Variants in PTK2B observed in about 807,000 individuals in gnomAD.
PTK2B encodes the protein protein tyrosine kinase 2 beta, also known as protein-tyrosine kinase 2-beta.
A neutral mutation model predicts 142.9 loss-of-function variants in PTK2B; 71 were observed. That is an observed-to-expected ratio of 0.50 (90% CI 0.41 to 0.61). PTK2B has a LOEUF of 0.61. Ranked by LOEUF, PTK2B falls within the 20% of genes least tolerant of loss-of-function variation. The probability of loss-of-function intolerance (pLI) is 0.00; values close to 1 mark genes in which losing one functional copy is unlikely to be tolerated. For synonymous variants in PTK2B, 519 were observed against 503.4 expected (o/e 1.03, Z -0.42); for missense variants, 1,105 against 1,320.4 (o/e 0.84, Z 2.53).
chr8:27,324,786 C>T (rs1359961617), upstream of PTK2B, among the ~76,000 whole-genome samples: 2 of 152,154 alleles, frequency 1.3e-5, no homozygotes. Context: ...TCACTTTATG[C>T]CAAGTCCAGG....
At chr8:27,407,641 G>T (rs1289204942) in intron 2 of PTK2B, among the ~76,000 whole-genome samples, 1 of 152,168 alleles carries the variant, frequency 6.6e-6, no homozygotes, top group Admixed American at 6.5e-5. Flanking sequence ...CGGGAGGTGG[G>T]TCTCCCCAGG....
chr8:27,365,835 C>T (rs1200217149), intron 1 of PTK2B, among the ~76,000 whole-genome samples: 1 of 152,220 alleles, frequency 6.6e-6, no homozygotes, highest in Non-Finnish European at 1.5e-5. Context: ...TCCAGCCAGA[C>T]ATTGCTGGTA....
At chr8:27,415,636 A>G (rs1476791726) in intron 2 of PTK2B, among the ~76,000 whole-genome samples, 1 of 152,238 alleles carries the variant, frequency 6.6e-6, no homozygotes, top group Non-Finnish European at 1.5e-5. Flanking sequence ...CCAGTCTGGA[A>G]TGGGCTCCAG....
intron 13 of PTK2B, among the ~76,000 whole-genome samples, chr8:27,435,368 C>G (rs1417851178): frequency 5.9e-5 from 9 of 152,230 alleles, no homozygotes. Flanking sequence ...GGAATTAGGG[C>G]TTCAACAAAG....
At chr8:27,372,000 A>G (rs1806390276) in intron 1 of PTK2B, among the ~76,000 whole-genome samples, 1 of 152,240 alleles carries the variant, frequency 6.6e-6, no homozygotes, top group Non-Finnish European at 1.5e-5. Context: ...ATGTTCTGCA[A>G]GGGGAACAGG....
chr8:27,406,607 G>A (rs1586254001), intron 2 of PTK2B, among the ~76,000 whole-genome samples: 11 of 152,178 alleles, frequency 7.2e-5, no homozygotes, highest in Admixed American at 6.5e-4. Flanking sequence ...AGCGGGAAAT[G>A]TGTAGGGGCC....
At chr8:27,453,092 C>A (rs747646497) in intron 27 of PTK2B, 22 bp from the exon 28 acceptor site, 1 of 1,613,668 alleles carries the variant, frequency 6.2e-7, no homozygotes, top group South Asian at 1.1e-5. Context: ...CTGCCCCCCA[C>A]TTGCTGTTCT....
chr8:27,430,945 G>A lies in PTK2B; in HGVS notation c.739G>A (p.Val247Ile), dbSNP rs761635419. 4.3e-5 allele frequency: 69 copies of A among 1,614,064 alleles called. No individual in the cohort carries two copies. The Admixed American group carries it at 1.0e-3, about 23-fold the overall frequency. ...CGCCTCGCTCAGGGAGGAGGAGTGC[G>A]TCATGAAGTTCTTCAACACTCTCGC... ...QYASLREEECVMKFFNTLAGF... is the reference protein window; with the variant it reads ...QYASLREEECIMKFFNTLAGF... Residue 247 changes from valine (V) to isoleucine (I), a missense_variant, in exon 8 of 31, where the codon GTC (valine) becomes ATC (isoleucine). Transcript: ENST00000346049.
chr8:27,405,065 T>TCTCTCTCTCTCTCTCTCTCG, intron 2 of PTK2B, among the ~76,000 whole-genome samples: 1 of 137,066 alleles, frequency 7.3e-6, no homozygotes, highest in Non-Finnish European at 1.6e-5. Flanking sequence ...TCTCTCTCTC[T>TCTCTCTCTCTCTCTCTCTCG]CTCTTAGCCA....
rs897977518 is a variant in PTK2B, at chr8:27,418,307, G to C, written c.205-1588G>C. On this transcript the variant is annotated intron_variant, in intron 2 of 30. Transcript: ENST00000346049. ...CCGAGACAGATGGGTGCCCAGGCAA[G>C]CAAATAACTGGGCATTCCTTCAAAC... Among the ~76,000 whole-genome samples the C allele has an allele frequency of 7.2e-5, 11 of 152,220 alleles. 1 individual carries two copies. Among genetic ancestry groups the C allele is most frequent in the Admixed American group, 7.2e-4 (11 of 15,286 alleles).
intron 1 of PTK2B, among the ~76,000 whole-genome samples, chr8:27,395,893 C>G (rs541866841): frequency 6.6e-5 from 10 of 152,186 alleles, no homozygotes; most frequent in Non-Finnish European, 1.0e-4. Flanking sequence ...GTTACATCTT[C>G]ACTACATAGC....
At position 27,422,350 on chromosome 8, in the gene PTK2B, G is replaced by C. The variant is rs568960514; in HGVS notation, c.518G>C (p.Gly173Ala). ...MQRYASKVSE[G>A]MALQLGCLEL... The stretch of plus-strand genomic sequence containing the variant: ...CGCTACGCCAGCAAGGTCAGCGAGG[G>C]CATGGCCCTGCAGCTGGGCTGCCTG... Residue 173 changes from glycine to alanine, a missense_variant, in exon 5 of 31, where the codon GGC becomes GCC. Coordinates refer to ENST00000346049, the MANE Select transcript of PTK2B (RefSeq NM_173176.3). The C allele has an allele frequency of 1.9e-6, 3 of 1,613,646 alleles. No homozygotes were observed. Among genetic ancestry groups the C allele is most frequent in the Non-Finnish European group, 2.5e-6 (3 of 1,179,770 alleles).
chr8:27,412,762 A>G (rs1026155083), intron 2 of PTK2B, among the ~76,000 whole-genome samples: 1 of 152,196 alleles, frequency 6.6e-6, no homozygotes, highest in African/African-American at 2.4e-5. Flanking sequence ...CCATGTCTAC[A>G]ACAGAAATTG....
rs764988584 is a variant in PTK2B, at chr8:27,432,368, G to A, written c.987+7G>A. On this transcript the variant is annotated splice_region_variant and intron_variant, in intron 10 of 30. Transcript: ENST00000346049. ...CATTGAAGGTGCCCCCCAGGTGAGT[G>A]TCTCTGGGCACTGGGCACCTGGCAG... The A allele has an allele frequency of 2.5e-6, 4 of 1,612,840 alleles. No individual in the cohort carries two copies. The highest frequency in any genetic ancestry group is 3.4e-6 in the Non-Finnish European group (4 of 1,179,408).
At chr8:27,345,354 A>T (rs1804653455) in intron 1 of PTK2B, among the ~76,000 whole-genome samples, 1 of 152,232 alleles carries the variant, frequency 6.6e-6, no homozygotes, top group African/African-American at 2.4e-5. Flanking sequence ...TCTTCTTAGG[A>T]GGACTTCTGT....
intron 2 of PTK2B, among the ~76,000 whole-genome samples, chr8:27,398,961 A>T (rs947795005): frequency 1.3e-5 from 2 of 152,172 alleles, no homozygotes; most frequent in Non-Finnish European, 2.9e-5. Flanking sequence ...GTTTCCTGTA[A>T]CTGATTTGAT....
intron 1 of PTK2B, among the ~76,000 whole-genome samples, chr8:27,380,444 A>G (rs1806943090): frequency 6.6e-6 from 1 of 152,186 alleles, no homozygotes; most frequent in African/African-American, 2.4e-5. Context: ...TACCACATGC[A>G]GGGTTTCCCT....
intron 1 of PTK2B, among the ~76,000 whole-genome samples, chr8:27,327,429 A>G (rs1464231194): frequency 6.6e-6 from 1 of 152,082 alleles, no homozygotes; most frequent in Non-Finnish European, 1.5e-5. Context: ...TTCACTACAA[A>G]TATGTCTCAT....
upstream of PTK2B, among the ~76,000 whole-genome samples, chr8:27,321,187 A>C (rs1803207940): frequency 6.6e-6 from 1 of 151,482 alleles, no homozygotes; most frequent in Non-Finnish European, 1.5e-5. Flanking sequence ...GTACAGATGA[A>C]GTCTTGCCAC....
Sources: allele counts gnomAD v4.1 joint callset (sites outside exome capture counted in the v4.1 genomes callset), GRCh38; gene constraint gnomAD v4.1.1; transcripts MANE v1.5; gene names NCBI Gene and HGNC (gene_info 2026-07-23, HGNC 2026-07-21).